The following ITFG1 variants were observed in gnomAD, a reference collection of about 807,000 sequenced individuals.
ITFG1 encodes integrin alpha FG-GAP repeat containing 1.
Under a neutral mutation model 81.8 loss-of-function variants are expected in ITFG1, and 34 were observed. The observed-to-expected ratio is 0.42, with a 90% CI of 0.32 to 0.55. The LOEUF (loss-of-function observed/expected upper bound fraction) is 0.55, where lower values mean the gene tolerates loss of function less well. ITFG1 is among the 20% of genes least tolerant of loss of function. The probability of loss-of-function intolerance (pLI) is 0.17; values close to 1 mark genes in which losing one functional copy is unlikely to be tolerated. For missense variants in ITFG1, 672 were observed against 755.4 expected, an observed-to-expected ratio of 0.89 and a Z score of 1.29; for synonymous variants, 285 against 270.6, an observed-to-expected ratio of 1.05 and a Z score of -0.52.
intron 6 of ITFG1, among the ~76,000 whole-genome samples, chr16:47,395,760 T>C (rs1000687168): frequency 1.3e-5 from 2 of 152,240 alleles, no homozygotes; most frequent in African/African-American, 2.4e-5. Flanking sequence ...GTTTCTCTTC[T>C]AGAGTTCTCT....
chr16:47,209,104 C>G (rs1965534545), intron 14 of ITFG1, among the ~76,000 whole-genome samples: 1 of 152,156 alleles, frequency 6.6e-6, no homozygotes, highest in Non-Finnish European at 1.5e-5. Flanking sequence ...AGCCAAAGTT[C>G]AGTGAAATCT....
chr16:47,259,854 C>T (rs886269137), intron 11 of ITFG1, among the ~76,000 whole-genome samples: 5 of 152,002 alleles, frequency 3.3e-5, no homozygotes, highest in Admixed American at 6.6e-5. Flanking sequence ...CGCTACTCTG[C>T]GTCACAAAGA....
intron 6 of ITFG1, among the ~76,000 whole-genome samples, chr16:47,399,296 G>C (rs990674771): frequency 6.6e-6 from 1 of 152,154 alleles, no homozygotes; most frequent in South Asian, 2.1e-4. Flanking sequence ...GAAAGTGGCC[G>C]GGTGCAGTGG....
At chr16:47,372,578 C>G (rs989835379) in intron 7 of ITFG1, among the ~76,000 whole-genome samples, 4 of 151,952 alleles carry the variant, frequency 2.6e-5, no homozygotes, top group African/African-American at 9.7e-5. Context: ...CTCAGCCTCC[C>G]AAGTAGCTGG....
intron 3 of ITFG1, among the ~76,000 whole-genome samples, chr16:47,453,658 A>C (rs1326428329): frequency 1.3e-5 from 2 of 152,236 alleles, no homozygotes; most frequent in African/African-American, 4.8e-5. Context: ...CAGTTGTGTA[A>C]CTAGCCACTT....
chr16:47,423,248 C>T (rs1968974071), intron 6 of ITFG1, among the ~76,000 whole-genome samples: 1 of 145,804 alleles, frequency 6.9e-6, no homozygotes, highest in African/African-American at 2.5e-5. Context: ...ACTGCAATCC[C>T]TGATTTTTTT....
intron 6 of ITFG1, among the ~76,000 whole-genome samples, chr16:47,404,365 A>G (rs966034919): frequency 6.6e-6 from 1 of 152,226 alleles, no homozygotes; most frequent in Admixed American, 6.5e-5. Flanking sequence ...AATGACTTCT[A>G]AGAAATTTAG....
At chr16:47,296,865 C>A (rs377132133) in intron 10 of ITFG1, among the ~76,000 whole-genome samples, 3 of 152,144 alleles carry the variant, frequency 2.0e-5, no homozygotes, top group African/African-American at 4.8e-5. Flanking sequence ...AACATATGGT[C>A]TATTTTGGAG....
intron 17 of ITFG1, among the ~76,000 whole-genome samples, chr16:47,156,055 A>C (rs1279344754): frequency 6.6e-6 from 1 of 152,232 alleles, no homozygotes. Context: ...TTTATTATCT[A>C]CTTGAAAATA....
intron 4 of ITFG1, 27 bp from the exon 5 acceptor site, chr16:47,451,497 G>A: frequency 8.2e-7 from 1 of 1,225,348 alleles, no homozygotes; most frequent in Non-Finnish European, 1.2e-6. Flanking sequence ...ACAATAAGCA[G>A]CTATTTCTTT....
intron 17 of ITFG1, 76 bp from the exon 18 acceptor site, chr16:47,155,854 G>C: frequency 9.6e-7 from 1 of 1,039,724 alleles, no homozygotes; most frequent in Non-Finnish European, 1.4e-6. Flanking sequence ...AATACACAGT[G>C]ATTCATTTTT....
chr16:47,426,400 A>G (rs1224679152), intron 6 of ITFG1: 1 of 151,718 alleles, frequency 6.6e-6, no homozygotes, highest in East Asian at 1.9e-4. Flanking sequence ...TATAACAAAA[A>G]TAAGATTAAA....
intron 6 of ITFG1, among the ~76,000 whole-genome samples, chr16:47,384,487 G>T (rs190435803): frequency 6.6e-6 from 1 of 152,122 alleles, no homozygotes; most frequent in African/African-American, 2.4e-5. Context: ...AATAACCCTG[G>T]TCTTAATGAA....
intron 6 of ITFG1, among the ~76,000 whole-genome samples, chr16:47,419,954 C>CTT (rs75033874): frequency 1.5e-4 from 21 of 141,504 alleles, no homozygotes; most frequent in Admixed American, 8.5e-4. Context: ...TTTATCTTCT[C>CTT]TTTTTTTTTT....
intron 6 of ITFG1, among the ~76,000 whole-genome samples, chr16:47,415,734 T>C (rs114566179): frequency 5.3e-4 from 81 of 152,296 alleles, no homozygotes; most frequent in African/African-American, 1.8e-3. Flanking sequence ...TACCTAGTGC[T>C]GGCAAAAATG....
intron 16 of ITFG1, among the ~76,000 whole-genome samples, chr16:47,160,452 G>T (rs2151505860): frequency 6.6e-6 from 1 of 151,590 alleles, no homozygotes; most frequent in South Asian, 2.1e-4. Context: ...CCGTGGCAGT[G>T]AAAAAAAATC....
chr16:47,278,705 G>C (rs947030228), intron 10 of ITFG1, among the ~76,000 whole-genome samples: 1 of 152,124 alleles, frequency 6.6e-6, no homozygotes, highest in African/African-American at 2.4e-5. Flanking sequence ...GTTACTCTAG[G>C]GAAAAGCCAG....
chr16:47,239,482 A>G (rs557732189), intron 12 of ITFG1, among the ~76,000 whole-genome samples: 22 of 152,306 alleles, frequency 1.4e-4, no homozygotes, highest in African/African-American at 4.6e-4. Context: ...TACAGGTGTG[A>G]GCCACTGGGT....
intron 8 of ITFG1, among the ~76,000 whole-genome samples, chr16:47,322,708 T>C (rs1451808124): frequency 6.6e-6 from 1 of 152,052 alleles, no homozygotes; most frequent in Non-Finnish European, 1.5e-5. Context: ...ACAAAAGAAA[T>C]ACGAATACAC....
Sources: gnomAD v4.1 joint callset for allele counts (sites outside exome capture counted in the v4.1 genomes callset) on GRCh38, gnomAD v4.1.1 for gene constraint, MANE v1.5 for transcripts, NCBI Gene and HGNC (gene_info 2026-07-23, HGNC 2026-07-21) for gene names.